The following ERC1 variants were observed in gnomAD, a reference collection of about 807,000 sequenced individuals.
ERC1 encodes the protein ELKS/RAB6-interacting/CAST family member 1, also known as RAB6 interacting protein 2.
ERC1 carries 56 observed loss-of-function variants against 132.0 expected under a neutral mutation model. That is an observed-to-expected ratio of 0.42 (90% CI 0.34 to 0.53). ERC1 has a LOEUF of 0.53. Among genes scored for constraint, ERC1 ranks in the 20% least tolerant of loss-of-function variants. The probability of loss-of-function intolerance (pLI) is 0.03; values close to 1 mark genes in which losing one functional copy is unlikely to be tolerated. For missense variants in ERC1, 1,202 were observed against 1,349.9 expected, an observed-to-expected ratio of 0.89 and a Z score of 1.72; for synonymous variants, 478 against 476.1, an observed-to-expected ratio of 1.00 and a Z score of -0.05.
At chr12:1,430,073 G>A in intron 17 of ERC1, among the ~76,000 whole-genome samples, 1 of 152,120 alleles carries the variant, frequency 6.6e-6, no homozygotes, top group Non-Finnish European at 1.5e-5. Context: ...CCAATTCCAG[G>A]ATTGCTCACC....
rs574716153 is a variant in ERC1 at position 1,140,942 on chromosome 12, T to C, written c.1570-678T>C. Among the ~76,000 whole-genome samples the C allele has an allele frequency of 2.6e-5, 4 of 152,304 alleles. No homozygotes were observed. The South Asian group carries it at 8.3e-4, about 32-fold the overall frequency. On this transcript the variant is annotated intron_variant, in intron 7 of 18. Coordinates refer to ENST00000360905, the MANE Select transcript of ERC1 (RefSeq NM_178040.4). ...CAATTTTCGGCTTGAAAATATGACTTATTATTTTCCTGTTGAACAGCACTG... is the reference window on the plus strand; with the variant it reads ...CAATTTTCGGCTTGAAAATATGACTCATTATTTTCCTGTTGAACAGCACTG...
chr12:1,260,835 G>A (rs1487779527), intron 13 of ERC1, among the ~76,000 whole-genome samples: 2 of 152,152 alleles, frequency 1.3e-5, no homozygotes, highest in Admixed American at 6.5e-5. Context: ...ATAATATCAC[G>A]TAAATATTAC....
At chr12:1,120,759 T>C (rs1946991459) in intron 7 of ERC1, among the ~76,000 whole-genome samples, 1 of 152,212 alleles carries the variant, frequency 6.6e-6, no homozygotes, top group Non-Finnish European at 1.5e-5. Context: ...TTATTATAGG[T>C]AAGGAATATA....
chr12:1,473,172 C>T (rs1408006211), intron 18 of ERC1, among the ~76,000 whole-genome samples: 9 of 152,182 alleles, frequency 5.9e-5, no homozygotes, highest in South Asian at 2.1e-4. Flanking sequence ...ATTACAGGCA[C>T]GCACCACCAT....
intron 13 of ERC1, among the ~76,000 whole-genome samples, chr12:1,243,903 C>A (rs943923573): frequency 1.3e-5 from 2 of 152,142 alleles, no homozygotes; most frequent in African/African-American, 4.8e-5. Context: ...GCTTTGGAAA[C>A]CTAATACGTA....
At chr12:1,139,496 T>C (rs1593630536) in intron 7 of ERC1, among the ~76,000 whole-genome samples, 1 of 152,190 alleles carries the variant, frequency 6.6e-6, no homozygotes, top group Admixed American at 6.5e-5. Flanking sequence ...TGTTATTATG[T>C]AATAGGTATG....
At chr12:1,469,541 G>A (rs567038543) in intron 18 of ERC1, among the ~76,000 whole-genome samples, 23 of 152,332 alleles carry the variant, frequency 1.5e-4, no homozygotes, top group African/African-American at 2.6e-4. Flanking sequence ...CCTCCCCTCC[G>A]TGTGGGAATA....
intron 14 of ERC1, among the ~76,000 whole-genome samples, chr12:1,264,643 G>A (rs1235396225): frequency 2.6e-5 from 4 of 151,830 alleles, no homozygotes; most frequent in East Asian, 1.9e-4. Flanking sequence ...CAGCCTGGGC[G>A]ACAGAGCGAG....
At position 1,134,090 on chromosome 12, in the gene ERC1, C is replaced by G. The variant is rs74057077; in HGVS notation, c.1570-7530C>G. ...TATTACTGAACTTTGTTTTGTGATG[C>G]TGGTAAAATACTTGGAAATAGTTTC... On this transcript the variant is annotated intron_variant, in intron 7 of 18. Coordinates refer to ENST00000360905, the MANE Select transcript of ERC1 (RefSeq NM_178040.4). Among the ~76,000 whole-genome samples the G allele has an allele frequency of 9.3e-3, 1,415 of 152,188 alleles. 20 individuals are homozygous for G. Among genetic ancestry groups the G allele is most frequent in the African/African-American group, 0.031 (1,290 of 41,522 alleles).
intron 16 of ERC1, among the ~76,000 whole-genome samples, chr12:1,394,344 G>C (rs1376242663): frequency 6.6e-6 from 1 of 152,146 alleles, no homozygotes; most frequent in Admixed American, 6.5e-5. Flanking sequence ...AGCTTGCAGT[G>C]AGCCGAGATT....
At chr12:1,235,021 G>GA (rs1174303348) in intron 12 of ERC1, among the ~76,000 whole-genome samples, 1 of 152,158 alleles carries the variant, frequency 6.6e-6, no homozygotes, top group African/African-American at 2.4e-5. Context: ...AGATTTTGTG[G>GA]AAATGTCACA....
intron 1 of ERC1, among the ~76,000 whole-genome samples, chr12:996,989 G>C (rs539658177): frequency 1.3e-5 from 2 of 152,264 alleles, no homozygotes; most frequent in African/African-American, 2.4e-5. Context: ...TGCGGTTATA[G>C]CTTACTGCAA....
intron 8 of ERC1, among the ~76,000 whole-genome samples, chr12:1,155,665 A>G (rs964784610): frequency 3.9e-5 from 6 of 151,930 alleles, no homozygotes; most frequent in African/African-American, 1.5e-4. Flanking sequence ...TTTAGTAGAG[A>G]CGGGGTTTCA....
At chr12:1,054,809 G>A (rs779986259) in intron 2 of ERC1, among the ~76,000 whole-genome samples, 3 of 152,046 alleles carry the variant, frequency 2.0e-5, no homozygotes, top group Non-Finnish European at 2.9e-5. Context: ...TTCAAAAGGG[G>A]GCAGGGTAGA....
chr12:1,079,033 A>T (rs1271617844), intron 2 of ERC1, among the ~76,000 whole-genome samples: 1 of 152,006 alleles, frequency 6.6e-6, no homozygotes. Context: ...ATACAGATAG[A>T]AATGATTTGT....
intron 15 of ERC1, among the ~76,000 whole-genome samples, chr12:1,360,035 G>C (rs931962909): frequency 1.3e-5 from 2 of 151,952 alleles, no homozygotes; most frequent in Admixed American, 1.3e-4. Flanking sequence ...ATTCTAAACA[G>C]TAAATACCAA....
Position 1,028,588 on chromosome 12 carries a change from G to T in ERC1, c.669+16G>T. 6.3e-7 allele frequency: 1 copy of T among 1,578,984 alleles called. No homozygotes were observed. The highest frequency in any genetic ancestry group is 2.2e-5 in the East Asian group (1 of 44,502). ...GGAAAACCAGGTAAGTTCTACGTGTGTTTACCTTTATTGGCTGAATTCATG... is the reference window on the plus strand; with the variant it reads ...GGAAAACCAGGTAAGTTCTACGTGTTTTTACCTTTATTGGCTGAATTCATG... On this transcript the variant is annotated intron_variant, in intron 2 of 18. Coordinates refer to ENST00000360905, the MANE Select transcript of ERC1 (RefSeq NM_178040.4).
intron 15 of ERC1, among the ~76,000 whole-genome samples, chr12:1,311,099 A>T (rs2081272475): frequency 6.6e-6 from 1 of 152,262 alleles, no homozygotes; most frequent in African/African-American, 2.4e-5. Flanking sequence ...TTTTATAAGG[A>T]TACAGGAGGT....
At chr12:1,164,291 T>TTTATTTTATG (rs1952165601) in intron 8 of ERC1, among the ~76,000 whole-genome samples, 6 of 100,824 alleles carry the variant, frequency 6.0e-5, no homozygotes, top group African/African-American at 2.3e-4. Flanking sequence ...GTTATTTTAT[T>TTTATTTTATG]TTGTTATTTT....
Sources: allele counts gnomAD v4.1 joint callset (sites outside exome capture counted in the v4.1 genomes callset), GRCh38; gene constraint gnomAD v4.1.1; transcripts MANE v1.5; gene names NCBI Gene and HGNC (gene_info 2026-07-23, HGNC 2026-07-21).